Variants in SMYD3 observed in about 807,000 individuals in gnomAD.
The protein encoded by SMYD3 is SET and MYND domain containing 3.
Under a neutral mutation model 57.7 loss-of-function variants are expected in SMYD3, and 36 were observed. That is an observed-to-expected ratio of 0.62 (90% CI 0.48 to 0.82). The LOEUF is 0.82. SMYD3 is among the 40% of genes least tolerant of loss of function. The pLI is 0.00. For synonymous variants in SMYD3, 211 were observed against 195.0 expected, an observed-to-expected ratio of 1.08 and a Z score of -0.68; for missense variants, 515 against 538.8, an observed-to-expected ratio of 0.96 and a Z score of 0.44.
chr1:246,091,269 G>A (rs566353040), intron 5 of SMYD3, among the ~76,000 whole-genome samples: 1 of 152,258 alleles, frequency 6.6e-6, no homozygotes, highest in South Asian at 2.1e-4. Context: ...AGCAACTGAG[G>A]ATTTCTGGCT....
intron 5 of SMYD3, among the ~76,000 whole-genome samples, chr1:246,053,705 C>T (rs1336905777): frequency 6.6e-6 from 1 of 151,888 alleles, no homozygotes; most frequent in Non-Finnish European, 1.5e-5. Context: ...ATTCCTGCTA[C>T]TCGAGAGGCT....
intron 5 of SMYD3, among the ~76,000 whole-genome samples, chr1:245,989,065 T>C (rs2058761619): frequency 6.6e-6 from 1 of 152,254 alleles, no homozygotes; most frequent in Admixed American, 6.5e-5. Flanking sequence ...CAGAATCCCC[T>C]GGCTGGGAGT....
Position 245,999,980 on chromosome 1 carries a change from T to G in SMYD3, c.532-70043A>C, listed in dbSNP as rs139777934. ...CAACGTTTTGAATCCTAGTTCCTCTTTTATAAAATTGGAATAATATACCTA... is the reference window on the plus strand; with the variant it reads ...CAACGTTTTGAATCCTAGTTCCTCTGTTATAAAATTGGAATAATATACCTA... On this transcript the variant is annotated intron_variant, in intron 5 of 11. Coordinates refer to ENST00000490107, the MANE Select transcript of SMYD3 (RefSeq NM_001167740.2). Among the ~76,000 whole-genome samples, 38 of 152,320 alleles carry G rather than the reference T, an allele frequency of 2.5e-4. No individual in the cohort carries two copies. In the East Asian group the frequency reaches 7.1e-3, roughly 29 times the overall value.
chr1:246,033,039 T>G (rs2059706172), intron 5 of SMYD3, among the ~76,000 whole-genome samples: 1 of 152,230 alleles, frequency 6.6e-6, no homozygotes. Flanking sequence ...CCGAGCAATT[T>G]GCATTCCTGA....
chr1:246,324,815 C>T (rs2065312116), intron 5 of SMYD3, among the ~76,000 whole-genome samples: 1 of 151,194 alleles, frequency 6.6e-6, no homozygotes, highest in Non-Finnish European at 1.5e-5. Flanking sequence ...GAGCAGTAGA[C>T]TGGGATAAAA....
intron 8 of SMYD3, among the ~76,000 whole-genome samples, chr1:245,885,155 G>A (rs1032973708): frequency 2.0e-5 from 3 of 152,200 alleles, no homozygotes; most frequent in African/African-American, 7.2e-5. Flanking sequence ...CTTCACTCCT[G>A]AAGTCAGCAA....
chr1:246,111,016 A>G (rs1360360025), intron 5 of SMYD3, among the ~76,000 whole-genome samples: 2 of 152,192 alleles, frequency 1.3e-5, no homozygotes, highest in African/African-American at 2.4e-5. Context: ...TCCTTGCGCA[A>G]AGAGAAACAA....
intron 9 of SMYD3, among the ~76,000 whole-genome samples, chr1:245,861,253 A>G (rs1277252437): frequency 1.3e-5 from 2 of 152,256 alleles, no homozygotes; most frequent in South Asian, 2.1e-4. Flanking sequence ...GGTGTTTACT[A>G]CAATTCACTC....
At chr1:246,006,490 T>C (rs2059171966) in intron 5 of SMYD3, among the ~76,000 whole-genome samples, 1 of 152,186 alleles carries the variant, frequency 6.6e-6, no homozygotes. Context: ...ACTGCACATC[T>C]GTCTTTCCCC....
chr1:246,005,943 A>G (rs1341849138), intron 5 of SMYD3, among the ~76,000 whole-genome samples: 1 of 152,164 alleles, frequency 6.6e-6, no homozygotes, highest in East Asian at 1.9e-4. Context: ...ATTGGCCTCC[A>G]TATGAGATGT....
At chr1:246,054,326 C>T (rs563497104) in intron 5 of SMYD3, among the ~76,000 whole-genome samples, 17 of 152,028 alleles carry the variant, frequency 1.1e-4, no homozygotes, top group African/African-American at 2.2e-4. Context: ...GGGGGGAACA[C>T]GAAAAGTCAC....
At chr1:245,760,723 TGG>T (rs1434915580) in intron 11 of SMYD3, among the ~76,000 whole-genome samples, 1 of 152,178 alleles carries the variant, frequency 6.6e-6, no homozygotes, top group Non-Finnish European at 1.5e-5. Context: ...CCACTCACCT[TGG>T]GGAGCAAAAC....
At chr1:246,489,239 A>G (rs1044845281) in intron 1 of SMYD3, among the ~76,000 whole-genome samples, 53 of 152,130 alleles carry the variant, frequency 3.5e-4, no homozygotes, top group African/African-American at 1.2e-3. Flanking sequence ...CCAGCTACTC[A>G]GGAGGCTGAG....
intron 8 of SMYD3, among the ~76,000 whole-genome samples, chr1:245,897,686 G>C (rs567273691): frequency 5.3e-5 from 8 of 152,276 alleles, no homozygotes; most frequent in African/African-American, 1.7e-4. Flanking sequence ...CTTGAGGTCA[G>C]GAGTTCGAGA....
chr1:246,164,399 G>A (rs555490791), intron 5 of SMYD3, among the ~76,000 whole-genome samples: 3 of 152,288 alleles, frequency 2.0e-5, no homozygotes, highest in South Asian at 4.1e-4. Context: ...CAGCCTGGGC[G>A]ACAGAGCGAG....
chr1:246,371,171 A>G (rs2066186137), intron 1 of SMYD3, among the ~76,000 whole-genome samples: 1 of 152,228 alleles, frequency 6.6e-6, no homozygotes, highest in South Asian at 2.1e-4. Context: ...ACACGGTTCT[A>G]AACTCTCCTC....
chr1:246,209,994 CTTCG>C (rs1308002364), intron 5 of SMYD3, among the ~76,000 whole-genome samples: 2 of 152,120 alleles, frequency 1.3e-5, no homozygotes, highest in Non-Finnish European at 2.9e-5. Context: ...TTCACTAATT[CTTCG>C]ACTTCAGTAT....
intron 5 of SMYD3, among the ~76,000 whole-genome samples, chr1:246,153,107 C>G (rs1253284639): frequency 6.6e-6 from 1 of 152,136 alleles, no homozygotes. Context: ...ACTGTCTACT[C>G]AAGCACCAAG....
At chr1:246,403,199 C>T (rs998878528) in intron 1 of SMYD3, among the ~76,000 whole-genome samples, 2 of 152,088 alleles carry the variant, frequency 1.3e-5, no homozygotes, top group African/African-American at 4.8e-5. Flanking sequence ...GAACTAGTTG[C>T]ATAAATTACA....
Sources: allele counts gnomAD v4.1 joint callset (sites outside exome capture counted in the v4.1 genomes callset), GRCh38; gene constraint gnomAD v4.1.1; transcripts MANE v1.5; gene names NCBI Gene and HGNC (gene_info 2026-07-23, HGNC 2026-07-21).